The following TMCC1 variants were observed in gnomAD, a reference collection of about 807,000 sequenced individuals.
TMCC1 encodes transmembrane and coiled-coil domains protein 1.
A neutral mutation model predicts 52.4 loss-of-function variants in TMCC1; 15 were observed. The ratio of observed to expected loss-of-function variants is 0.29; its 90% CI spans 0.19 to 0.44. The LOEUF (loss-of-function observed/expected upper bound fraction) is 0.44, where lower values mean the gene tolerates loss of function less well. TMCC1 is among the 20% of genes least tolerant of loss of function. TMCC1 has a pLI of 1.00. For synonymous variants in TMCC1, 279 were observed against 301.9 expected, an observed-to-expected ratio of 0.92 and a Z score of 0.79; for missense variants, 503 against 806.0, an observed-to-expected ratio of 0.62 and a Z score of 4.55.
chr3:129,753,100 T>G (rs1052554835), intron 4 of TMCC1, among the ~76,000 whole-genome samples: 1 of 152,152 alleles, frequency 6.6e-6, no homozygotes, highest in Non-Finnish European at 1.5e-5. Context: ...GAATGTGACA[T>G]GAGATTTAGG....
chr3:129,679,907 A>G (rs1241006704), intron 4 of TMCC1, among the ~76,000 whole-genome samples: 4 of 152,186 alleles, frequency 2.6e-5, no homozygotes, highest in African/African-American at 9.7e-5. Flanking sequence ...TTTCATTAGA[A>G]TCTGAAGTGT....
At chr3:129,691,650 G>A (rs541457863) in intron 4 of TMCC1, among the ~76,000 whole-genome samples, 1 of 152,262 alleles carries the variant, frequency 6.6e-6, no homozygotes, top group Admixed American at 6.5e-5. Context: ...CGGGCATGGT[G>A]GTACATGCCT....
intron 4 of TMCC1, among the ~76,000 whole-genome samples, chr3:129,685,255 C>T (rs902842877): frequency 6.6e-6 from 1 of 152,054 alleles, no homozygotes; most frequent in Non-Finnish European, 1.5e-5. Context: ...TGGGGTGAGT[C>T]TGTAGTCCCA....
chr3:129,821,939 T>C (rs747738813), intron 4 of TMCC1, among the ~76,000 whole-genome samples: 6 of 152,076 alleles, frequency 3.9e-5, no homozygotes, highest in Non-Finnish European at 7.4e-5. Context: ...GGCACTCACC[T>C]GTGGTCCCAG....
At chr3:129,733,990 A>G (rs879756957) in intron 4 of TMCC1, among the ~76,000 whole-genome samples, 5 of 152,228 alleles carry the variant, frequency 3.3e-5, no homozygotes, top group Non-Finnish European at 7.3e-5. Flanking sequence ...CTGGATAGCA[A>G]TTTAGCAATA....
At chr3:129,679,803 G>T (rs777824382) in intron 4 of TMCC1, among the ~76,000 whole-genome samples, 4 of 151,970 alleles carry the variant, frequency 2.6e-5, no homozygotes, top group Non-Finnish European at 5.9e-5. Flanking sequence ...ATTGTGCATG[G>T]CACTTAGCAG....
At chr3:129,807,832 T>C (rs1560461562) in intron 4 of TMCC1, among the ~76,000 whole-genome samples, 2 of 152,146 alleles carry the variant, frequency 1.3e-5, no homozygotes, top group African/African-American at 4.8e-5. Flanking sequence ...CCTTATTCTA[T>C]AAGGCTCATA....
At chr3:129,714,966 T>C (rs1216021898) in intron 4 of TMCC1, among the ~76,000 whole-genome samples, 1 of 152,176 alleles carries the variant, frequency 6.6e-6, no homozygotes, top group Non-Finnish European at 1.5e-5. Context: ...TTTACTTATC[T>C]GAAAAATAAT....
At chr3:129,769,228 T>C (rs985795063) in intron 4 of TMCC1, among the ~76,000 whole-genome samples, 3 of 152,194 alleles carry the variant, frequency 2.0e-5, no homozygotes, top group African/African-American at 7.2e-5. Flanking sequence ...CTTAAAACAT[T>C]ATAGGATTTT....
At chr3:129,836,267 T>G (rs1236900574) in intron 2 of TMCC1, among the ~76,000 whole-genome samples, 1 of 152,216 alleles carries the variant, frequency 6.6e-6, no homozygotes, top group African/African-American at 2.4e-5. Context: ...TAATAAATTT[T>G]GTATTCTTCT....
rs2086294253 is a variant in TMCC1 at position 129,651,094 on chromosome 3, T to A, written c.*387A>T. ...GGTGATGAGCCCAGACAAGGCAGGG[T>A]GTTAGGTTTAACTGGTTTGCCCTCA... On this transcript the variant is annotated 3_prime_UTR_variant, in exon 7 of 7. Transcript: ENST00000393238. This position sits in a 1 kb window ranked among gnomAD's most constrained non-coding sequence, Gnocchi z 5.1. 1 of 177,888 alleles carries A rather than the reference T, an allele frequency of 5.6e-6. No homozygotes were observed. The highest frequency in any genetic ancestry group is 1.2e-5 in the Non-Finnish European group (1 of 82,846). The allele number at this position is 177,888 out of a possible 1,614,324, so 11.0% of individuals were successfully genotyped here. A position where few individuals can be genotyped will look rare whatever the true frequency, so the allele number is the denominator to read the frequency against.
intron 4 of TMCC1, among the ~76,000 whole-genome samples, chr3:129,743,026 G>A (rs554452147): frequency 3.3e-5 from 5 of 152,232 alleles, no homozygotes; most frequent in South Asian, 2.1e-4. Flanking sequence ...GCCTAGTGCC[G>A]GGGGAGAATG....
intron 5 of TMCC1, among the ~76,000 whole-genome samples, chr3:129,660,559 G>A (rs1247711371): frequency 6.6e-6 from 1 of 152,028 alleles, no homozygotes; most frequent in African/African-American, 2.4e-5. Context: ...ACAGAAATGG[G>A]TTTACTGGGC....
chr3:129,838,845 G>GGAA, intron 2 of TMCC1, among the ~76,000 whole-genome samples: 1 of 151,768 alleles, frequency 6.6e-6, no homozygotes, highest in African/African-American at 2.4e-5. Context: ...GTCAAAGAGG[G>GGAA]GAAAATATGT....
intron 5 of TMCC1, among the ~76,000 whole-genome samples, chr3:129,665,932 C>T (rs991708825): frequency 1.7e-4 from 26 of 152,150 alleles, no homozygotes; most frequent in Admixed American, 1.5e-3. Flanking sequence ...TAACACTGTT[C>T]GTGGTAGTGG....
intron 5 of TMCC1, among the ~76,000 whole-genome samples, chr3:129,667,963 G>C (rs1277914965): frequency 3.3e-5 from 5 of 152,186 alleles, no homozygotes; most frequent in African/African-American, 7.2e-5. Flanking sequence ...AAGGAGGGCA[G>C]ATCACTGGAG....
At chr3:129,884,148 T>C (rs950820670) in intron 1 of TMCC1, among the ~76,000 whole-genome samples, 1 of 152,092 alleles carries the variant, frequency 6.6e-6, no homozygotes, top group East Asian at 1.9e-4. Context: ...CAAGAAACAT[T>C]AGAAATCCTT....
intron 2 of TMCC1, among the ~76,000 whole-genome samples, chr3:129,841,457 T>C (rs1419372738): frequency 6.6e-6 from 1 of 152,088 alleles, no homozygotes; most frequent in Non-Finnish European, 1.5e-5. Flanking sequence ...CATGGTGGCA[T>C]ACACCTGTAG....
At chr3:129,865,875 T>C (rs2060600056) in intron 2 of TMCC1, among the ~76,000 whole-genome samples, 1 of 152,184 alleles carries the variant, frequency 6.6e-6, no homozygotes, top group Non-Finnish European at 1.5e-5. Context: ...CCAATGACTT[T>C]GGTAGAAGAC....
Sources: allele counts gnomAD v4.1 joint callset (sites outside exome capture counted in the v4.1 genomes callset), GRCh38; gene constraint gnomAD v4.1.1; non-coding constraint Gnocchi (gnomAD v3.1); transcripts MANE v1.5; gene names NCBI Gene and HGNC (gene_info 2026-07-23, HGNC 2026-07-21).